The following ADK variants were observed in gnomAD, a reference collection of about 807,000 sequenced individuals.
The protein encoded by ADK is adenosine kinase, also known as N6,N6-dimethyladenosine kinase.
A neutral mutation model predicts 44.7 loss-of-function variants in ADK; 24 were observed. The ratio of observed to expected loss-of-function variants is 0.54; its 90% CI spans 0.39 to 0.76. The LOEUF (loss-of-function observed/expected upper bound fraction) is 0.76. Ranked by LOEUF, ADK falls within the 30% of genes least tolerant of loss-of-function variation. ADK has a pLI of 0.00. For synonymous variants in ADK, 128 were observed against 142.6 expected, an observed-to-expected ratio of 0.90 and a Z score of 0.73; for missense variants, 321 against 425.1, an observed-to-expected ratio of 0.76 and a Z score of 2.15.
At chr10:74,222,290 G>A (rs1374762174) in intron 2 of ADK, among the ~76,000 whole-genome samples, 7 of 152,096 alleles carry the variant, frequency 4.6e-5, no homozygotes, top group Non-Finnish European at 5.9e-5. Flanking sequence ...TCAGAGAAAT[G>A]CAAATCAAAA....
chr10:74,314,631 G>C (rs1400924472), intron 3 of ADK, 36 bp from the exon 4 acceptor site: 1 of 1,448,914 alleles, frequency 6.9e-7, no homozygotes, highest in Non-Finnish European at 9.7e-7. Context: ...ACTCACAGAA[G>C]GTAACTTACT....
intron 4 of ADK, among the ~76,000 whole-genome samples, chr10:74,333,319 G>T (rs1344342381): frequency 6.6e-6 from 1 of 152,130 alleles, no homozygotes; most frequent in African/African-American, 2.4e-5. Context: ...ACATTAGGAG[G>T]GGGTATGTTG....
At chr10:74,418,579 A>G (rs1844451956) in intron 6 of ADK, among the ~76,000 whole-genome samples, 1 of 152,230 alleles carries the variant, frequency 6.6e-6, no homozygotes. Flanking sequence ...AAGAGAAAAA[A>G]GTGGTTGGTG....
At chr10:74,285,595 C>T (rs1031854296) in intron 3 of ADK, among the ~76,000 whole-genome samples, 15 of 152,200 alleles carry the variant, frequency 9.9e-5, no homozygotes, top group Non-Finnish European at 2.1e-4. Context: ...GTGGGAGGAT[C>T]GCCTGAGCCT....
rs1839885640 is a variant in ADK, at chr10:74,298,261, T to A, written c.195-16406T>A. Among the ~76,000 whole-genome samples the A allele has an allele frequency of 2.0e-5, 3 of 152,288 alleles. 1 individual carries two copies. In the South Asian group the frequency reaches 6.2e-4, roughly 32 times the overall value. ...ATTTTTCATGCACTCACTTTTTCTCTCACTCACTCTCACACTGAAAAGGAG... is the reference window on the plus strand; with the variant it reads ...ATTTTTCATGCACTCACTTTTTCTCACACTCACTCTCACACTGAAAAGGAG... On this transcript the variant is annotated intron_variant, in intron 3 of 10. Transcript: ENST00000539909.
chr10:74,617,606 G>A (rs1454818439), intron 9 of ADK, among the ~76,000 whole-genome samples: 1 of 151,852 alleles, frequency 6.6e-6, no homozygotes, highest in Non-Finnish European at 1.5e-5. Flanking sequence ...TTTTCTGTTT[G>A]TTTTTTTGAG....
At chr10:74,219,609 A>G (rs1366099103) in intron 2 of ADK, among the ~76,000 whole-genome samples, 3 of 152,170 alleles carry the variant, frequency 2.0e-5, no homozygotes, top group Non-Finnish European at 4.4e-5. Context: ...AATTGAACAC[A>G]TAGTTGGAAG....
At chr10:74,591,121 C>T (rs1851700755) in intron 8 of ADK, among the ~76,000 whole-genome samples, 1 of 151,960 alleles carries the variant, frequency 6.6e-6, no homozygotes, top group Non-Finnish European at 1.5e-5. Flanking sequence ...ACTTTTATTT[C>T]CCCCTTGAGC....
intron 9 of ADK, among the ~76,000 whole-genome samples, chr10:74,633,872 G>T (rs552468299): frequency 1.3e-5 from 2 of 152,300 alleles, no homozygotes; most frequent in East Asian, 3.9e-4. Context: ...AAAACACGCA[G>T]TCTTACTGGC....
intron 6 of ADK, among the ~76,000 whole-genome samples, chr10:74,440,171 T>A (rs1054509175): frequency 3.5e-4 from 54 of 152,252 alleles, no homozygotes; most frequent in African/African-American, 1.2e-3. Context: ...GAAAATTGAT[T>A]CCATATTGGA....
chr10:74,241,544 AC>A (rs369548431), intron 3 of ADK, among the ~76,000 whole-genome samples: 381 of 152,136 alleles, frequency 2.5e-3, no homozygotes, highest in Non-Finnish European at 3.8e-3. Flanking sequence ...CGCTACCATG[AC>A]CGGCAAATTT....
intron 3 of ADK, among the ~76,000 whole-genome samples, chr10:74,286,585 C>T (rs1044011111): frequency 1.3e-5 from 2 of 152,302 alleles, no homozygotes; most frequent in African/African-American, 4.8e-5. Flanking sequence ...CCAGTTTTCA[C>T]GTTCTCTAGT....
intron 4 of ADK, among the ~76,000 whole-genome samples, chr10:74,345,550 C>T (rs530556388): frequency 6.6e-6 from 1 of 152,168 alleles, no homozygotes; most frequent in Admixed American, 6.5e-5. Flanking sequence ...CAAAGTGAAA[C>T]CCCTGCCTTG....
chr10:74,178,158 T>C (rs1278776351), intron 1 of ADK, among the ~76,000 whole-genome samples: 2 of 151,962 alleles, frequency 1.3e-5, no homozygotes, highest in African/African-American at 4.8e-5. Flanking sequence ...GCCAGGCTGG[T>C]CTCGAACTCC....
chr10:74,413,831 T>G (rs912135971), intron 6 of ADK, among the ~76,000 whole-genome samples: 5 of 152,240 alleles, frequency 3.3e-5, no homozygotes, highest in Non-Finnish European at 7.3e-5. Context: ...TGACTTAAAG[T>G]GAGAGACATG....
chr10:74,477,436 A>T (rs1846895606), intron 6 of ADK, among the ~76,000 whole-genome samples: 1 of 152,094 alleles, frequency 6.6e-6, no homozygotes. Context: ...TCAAACTCCT[A>T]GGCTCACGTG....
At chr10:74,246,356 G>A (rs1254474546) in intron 3 of ADK, among the ~76,000 whole-genome samples, 1 of 152,176 alleles carries the variant, frequency 6.6e-6, no homozygotes, top group East Asian at 1.9e-4. Flanking sequence ...ATCTCAGTCA[G>A]CTTTATTGTG....
chr10:74,464,292 A>G lies in ADK; in HGVS notation c.556-60964A>G, dbSNP rs530305452. On this transcript the variant is annotated intron_variant, in intron 6 of 10. Coordinates refer to ENST00000539909, the MANE Select transcript of ADK (RefSeq NM_006721.4). Reference sequence around the variant, plus strand: ...CTGAGCACAGTGGCTCATGCCTGTAATCACAATACCTTGAGAGTCTGAGGC... The same window carrying G: ...CTGAGCACAGTGGCTCATGCCTGTAGTCACAATACCTTGAGAGTCTGAGGC... 1.1e-4 allele frequency among the ~76,000 whole-genome samples: 17 copies of G among 152,276 alleles called. No homozygotes were observed. The East Asian group carries it at 2.5e-3, about 22-fold the overall frequency.
intron 4 of ADK, among the ~76,000 whole-genome samples, chr10:74,316,828 T>C (rs1484451046): frequency 6.6e-6 from 1 of 152,198 alleles, no homozygotes; most frequent in Non-Finnish European, 1.5e-5. Flanking sequence ...AAGTTCTCCC[T>C]CAGCTTTCTC....
Sources: allele counts gnomAD v4.1 joint callset (sites outside exome capture counted in the v4.1 genomes callset), GRCh38; gene constraint gnomAD v4.1.1; transcripts MANE v1.5; gene names NCBI Gene and HGNC (gene_info 2026-07-23, HGNC 2026-07-21).